The following ITGAD variants were observed in gnomAD, a reference collection of about 807,000 sequenced individuals.
ITGAD encodes integrin subunit alpha D, also known as integrin alpha-D.
ITGAD carries 105 observed loss-of-function variants against 139.0 expected under a neutral mutation model. That is an observed-to-expected ratio of 0.76 (90% CI 0.65 to 0.89). The LOEUF is 0.89. Ranked by LOEUF, ITGAD falls within the 40% of genes least tolerant of loss-of-function variation. ITGAD has a pLI of 0.00. For missense variants in ITGAD, 1,384 were observed against 1,487.3 expected, an observed-to-expected ratio of 0.93 and a Z score of 1.14; for synonymous variants, 569 against 598.3, an observed-to-expected ratio of 0.95 and a Z score of 0.71.
At chr16:31,412,616 G>A (rs1384264507) in intron 14 of ITGAD, among the ~76,000 whole-genome samples, 3 of 151,948 alleles carry the variant, frequency 2.0e-5, no homozygotes, top group Non-Finnish European at 4.4e-5. Context: ...AATGACACTC[G>A]GGTCACCAGG....
rs1240326488 is a variant in ITGAD at position 31,411,124 on chromosome 16, G to C, written c.1405G>C (p.Asp469His). 1 of 1,613,332 alleles carries C rather than the reference G, an allele frequency of 6.2e-7. No homozygotes were observed. Among genetic ancestry groups the C allele is most frequent in the Non-Finnish European group, 8.5e-7 (1 of 1,179,798 alleles). ...CCTCTGCTCTGTGGATGTGGACAGC[G>C]ATGGCAGCACCGACCTGATCCTCAT... ...ASLCSVDVDS[D>H]GSTDLILIGA... is the part of the protein sequence containing the mutation. Residue 469 changes from aspartate (D) to histidine (H), a missense_variant, in exon 13 of 30, where the codon GAT becomes CAT. By Grantham distance (81) the Asp-to-His change is moderately conservative. Transcript: ENST00000389202.
In ITGAD at chr16:31,410,757, T is replaced by C; in HGVS notation, c.1235T>C (p.Leu412Pro). ...SYLGYSTELA[L>P]WKGVQNLVLG... ...TCAGGTTACTCCACCGAGCTAGCCC[T>C]GTGGAAGGGGGTACAGAACCTGGTC... The change falls in exon 12 of 30, where the codon CTG becomes CCG. Residue 412 changes from leucine to proline, a missense_variant. Transcript: ENST00000389202. 3 of 1,611,978 alleles carry C rather than the reference T, an allele frequency of 1.9e-6. No homozygotes were observed. Among genetic ancestry groups the C allele is most frequent in the Non-Finnish European group, 2.5e-6 (3 of 1,179,486 alleles).
chr16:31,399,412 C>T (rs1185036271), intron 5 of ITGAD, among the ~76,000 whole-genome samples: 1 of 152,152 alleles, frequency 6.6e-6, no homozygotes, highest in Non-Finnish European at 1.5e-5. Flanking sequence ...GAGGGAATGC[C>T]AGGGGCCGCT....
In ITGAD at chr16:31,426,317, C is replaced by T. The variant is rs2082114658; in HGVS notation, c.*189C>T. 3.8e-6 allele frequency: 2 copies of T among 532,228 alleles called. No individual in the cohort carries two copies. 33.0% of individuals were successfully genotyped at this position (532,228 alleles called of 1,614,324 possible). A position where few individuals can be genotyped will look rare whatever the true frequency, so the allele number is the denominator to read the frequency against. Reference sequence around the variant, plus strand: ...ATCTGTCCATCTTTTTCAGCAATGACCCACTTTTTACAGAAGCAGGCATGG... The same window carrying T: ...ATCTGTCCATCTTTTTCAGCAATGATCCACTTTTTACAGAAGCAGGCATGG... On this transcript the variant is annotated 3_prime_UTR_variant, in exon 30 of 30. Coordinates refer to ENST00000389202, the MANE Select transcript of ITGAD (RefSeq NM_005353.3).
chr16:31,410,318 G>C (rs544113602), intron 10 of ITGAD, 77 bp from the exon 11 acceptor site: 7 of 1,588,000 alleles, frequency 4.4e-6, no homozygotes, highest in Admixed American at 1.7e-5. Context: ...CGAGTGATGC[G>C]GGTGGCAGGC....
intron 16 of ITGAD, among the ~76,000 whole-genome samples, chr16:31,413,824 C>T (rs1249921127): frequency 6.6e-6 from 1 of 152,212 alleles, no homozygotes; most frequent in Non-Finnish European, 1.5e-5. Context: ...CCACTCCTCA[C>T]CTGGCTCCTG....
At chr16:31,407,488 G>C in intron 7 of ITGAD, 27 bp from the exon 8 acceptor site, 1 of 1,548,672 alleles carries the variant, frequency 6.5e-7, no homozygotes, top group Non-Finnish European at 8.7e-7. Context: ...CATCTCAGTA[G>C]AGTCATCTTC....
chr16:31,394,586 C>A (rs1033848050), intron 2 of ITGAD, among the ~76,000 whole-genome samples: 11 of 152,222 alleles, frequency 7.2e-5, no homozygotes, highest in African/African-American at 2.7e-4. Context: ...CCAGGCAGGG[C>A]CCACTTCTTG....
chr16:31,407,578 C>T lies in ITGAD; in HGVS notation c.768C>T (p.Ile256=). The change falls in exon 8 of 30, where the codon ATC becomes ATT. Residue 256 remains isoleucine (I), a synonymous_variant. Coordinates refer to ENST00000389202, the MANE Select transcript of ITGAD (RefSeq NM_005353.3). ...RKSAKKILIV[I]TDGQKYKDPL... is the part of the protein sequence containing the mutation. ...GTGCCAAGAAGATCCTCATTGTCAT[C>T]ACAGATGGGCAGAAGTACAAAGACC... 5 of 1,612,854 alleles carry T rather than the reference C, an allele frequency of 3.1e-6. No individual in the cohort carries two copies. The highest frequency in any genetic ancestry group is 4.2e-6 in the Non-Finnish European group (5 of 1,179,410).
chr16:31,410,104 T>G (rs1567337238), intron 10 of ITGAD, among the ~76,000 whole-genome samples: 1 of 151,838 alleles, frequency 6.6e-6, no homozygotes. Context: ...GGTGATGGTT[T>G]TCCAGCAGGG....
rs1482539467 is a variant in ITGAD, at chr16:31,424,451, C to T, written c.3262-16C>T. The T allele has an allele frequency of 2.5e-6, 4 of 1,601,728 alleles. No individual in the cohort carries two copies. Among genetic ancestry groups the T allele is most frequent in the Non-Finnish European group, 3.4e-6 (4 of 1,169,730 alleles). On this transcript the variant is annotated splice_polypyrimidine_tract_variant and intron_variant, in intron 28 of 29. Transcript: ENST00000389202. The stretch of plus-strand genomic sequence containing the variant: ...GGGATGGCATGAGGCCGGATGCTCT[C>T]TGATCTCTAAATCAGATGGAGATGG...
intron 28 of ITGAD, 90 bp downstream of exon 28, chr16:31,424,293 C>A (rs551369412): frequency 6.7e-7 from 1 of 1,501,116 alleles, no homozygotes; most frequent in Non-Finnish European, 9.3e-7. Context: ...GCAAGCCTTG[C>A]GGGAGGAGGG....
At chr16:31,401,634 T>A (rs1476483801) in intron 5 of ITGAD, among the ~76,000 whole-genome samples, 1 of 152,240 alleles carries the variant, frequency 6.6e-6, no homozygotes, top group Non-Finnish European at 1.5e-5. Flanking sequence ...CCAGCACCCA[T>A]GTGCGTGTTG....
rs1352364431 is a variant in ITGAD, at chr16:31,410,475, C to T, written c.1164C>T (p.Thr388=). ...AFLYPPNMSP[T]FINMSQENVD... ...TGTATCCCCCAAATATGAGCCCCAC[C>T]TTCATCAACATGTCTCAGGAGAATG... is the stretch of plus-strand genomic sequence containing the variant. Residue 388 remains threonine, a synonymous_variant, in exon 11 of 30, where the codon ACC becomes ACT. Transcript: ENST00000389202. 2.5e-6 allele frequency: 4 copies of T among 1,613,890 alleles called. No homozygotes were observed. The South Asian group carries it at 3.3e-5, about 13-fold the overall frequency.
At chr16:31,394,938 C>G (rs1488757028) in intron 2 of ITGAD, among the ~76,000 whole-genome samples, 1 of 152,194 alleles carries the variant, frequency 6.6e-6, no homozygotes, top group East Asian at 1.9e-4. Flanking sequence ...CTTGGCCTCC[C>G]AAAGTGCTGG....
At chr16:31,420,990 T>C (rs2081996464) in intron 23 of ITGAD, among the ~76,000 whole-genome samples, 1 of 152,214 alleles carries the variant, frequency 6.6e-6, no homozygotes, top group Non-Finnish European at 1.5e-5. Flanking sequence ...AGGAAAATAC[T>C]TACAATAAGA....
At chr16:31,402,018 G>T (rs905835545) in intron 5 of ITGAD, 97 bp from the exon 6 acceptor site, 14 of 1,397,182 alleles carry the variant, frequency 1.0e-5, no homozygotes, top group Non-Finnish European at 1.2e-5. Context: ...ACTAGGTGGG[G>T]ATGCCAAGAA....
rs1197185028 is a variant in ITGAD, at chr16:31,410,468, G to A, written c.1157G>A (p.Ser386Asn). ...GCCTTCCTGTATCCCCCAAATATGA[G>A]CCCCACCTTCATCAACATGTCTCAG... The part of the protein sequence containing the change: ...GGAFLYPPNM[S>N]PTFINMSQEN... The change falls in exon 11 of 30, where the codon AGC (serine) becomes AAC (asparagine). Residue 386 changes from serine to asparagine, a missense_variant. Physicochemically the swap from Ser to Asn is conservative, Grantham distance 46. Coordinates refer to ENST00000389202, the MANE Select transcript of ITGAD (RefSeq NM_005353.3). 1.2e-6 allele frequency: 2 copies of A among 1,613,712 alleles called. No homozygotes were observed. Among genetic ancestry groups the A allele is most frequent in the South Asian group, 1.1e-5 (1 of 91,068 alleles).
At chr16:31,402,063 AG>A (rs2142649767) in intron 5 of ITGAD, 51 bp from the exon 6 acceptor site, 1 of 1,586,510 alleles carries the variant, frequency 6.3e-7, no homozygotes, top group Non-Finnish European at 8.6e-7. Flanking sequence ...GAGCTGCAGG[AG>A]GGGGTTGGGC....
Sources: allele counts gnomAD v4.1 joint callset (sites outside exome capture counted in the v4.1 genomes callset), GRCh38; gene constraint gnomAD v4.1.1; transcripts MANE v1.5; gene names NCBI Gene and HGNC (gene_info 2026-07-23, HGNC 2026-07-21).